The following CDC42SE2 variants were observed in gnomAD, a reference collection of about 807,000 sequenced individuals.
CDC42SE2 encodes CDC42 small effector protein 2.
Under a neutral mutation model 11.5 loss-of-function variants are expected in CDC42SE2, and 3 were observed. The ratio of observed to expected loss-of-function variants is 0.26; its 90% confidence interval spans 0.12 to 0.67. The LOEUF is 0.67. CDC42SE2 is among the 30% of genes least tolerant of loss of function. The pLI, the probability that CDC42SE2 is intolerant of heterozygous loss-of-function variation, is 0.80. For missense variants in CDC42SE2, 82 were observed against 106.8 expected (o/e 0.77, Z 1.02); for synonymous variants, 33 against 34.8 (o/e 0.95, Z 0.18).
chr5:131,286,553 C>A (rs963340778), intron 1 of CDC42SE2, among the ~76,000 whole-genome samples: 1 of 151,804 alleles, frequency 6.6e-6, no homozygotes, highest in Admixed American at 6.6e-5. Flanking sequence ...ACAGTTGACC[C>A]TTGAACAACA....
upstream of CDC42SE2, among the ~76,000 whole-genome samples, chr5:131,242,356 T>A (rs1374710959): frequency 6.6e-6 from 1 of 152,196 alleles, no homozygotes; most frequent in East Asian, 1.9e-4. Flanking sequence ...TCTCTGACAT[T>A]CTGCTTGCTT....
chr5:131,308,418 G>T (rs924083716), intron 1 of CDC42SE2, among the ~76,000 whole-genome samples: 7 of 151,964 alleles, frequency 4.6e-5, no homozygotes, highest in African/African-American at 1.5e-4. Flanking sequence ...GGATTGACTT[G>T]GTGATGCAGG....
the CDC42SE2 span, among the ~76,000 whole-genome samples, chr5:131,239,197 A>T: frequency 2.6e-5 from 4 of 151,544 alleles, no homozygotes; most frequent in African/African-American, 4.8e-5. Flanking sequence ...GAAAGAAAGA[A>T]ATATATATAT....
At chr5:131,355,236 A>G (rs2149766882) in intron 2 of CDC42SE2, among the ~76,000 whole-genome samples, 1 of 152,308 alleles carries the variant, frequency 6.6e-6, no homozygotes, top group Non-Finnish European at 1.5e-5. Flanking sequence ...GACCTGTGAA[A>G]TGGCAATGCA....
the CDC42SE2 span, among the ~76,000 whole-genome samples, chr5:131,234,076 G>A: frequency 2.0e-5 from 3 of 152,104 alleles, no homozygotes; most frequent in East Asian, 1.9e-4. Context: ...GTTGTATTAA[G>A]TAAATGAAAT....
chr5:131,342,125 CA>C (rs1211545025), intron 2 of CDC42SE2, among the ~76,000 whole-genome samples: 1 of 150,876 alleles, frequency 6.6e-6, no homozygotes, highest in Non-Finnish European at 1.5e-5. Flanking sequence ...ACCAAAAATA[CA>C]AAAATTAGCT....
chr5:131,262,426 G>A (rs536434495), upstream of CDC42SE2, among the ~76,000 whole-genome samples: 4 of 152,150 alleles, frequency 2.6e-5, no homozygotes, highest in African/African-American at 9.6e-5. Flanking sequence ...AAAAAAATTG[G>A]TCATTTTTTG....
Position 131,310,835 on chromosome 5 carries a change from G to T in CDC42SE2, c.-454-5141G>T, listed in dbSNP as rs539834232. ...ATCCTTTTATTTTGAGCGTATGTGT[G>T]TCTCTGCACGTGAGATGGGTTTCCT... On this transcript the variant is annotated intron_variant, in intron 1 of 4. Coordinates refer to ENST00000505065, the MANE Select transcript of CDC42SE2 (RefSeq NM_001375635.1). Among the ~76,000 whole-genome samples, 40 of 152,068 alleles carry T rather than the reference G, an allele frequency of 2.6e-4. 1 individual carries two copies. The East Asian group carries it at 7.1e-3, about 27-fold the overall frequency.
chr5:131,279,068 A>G (rs999325261), intron 1 of CDC42SE2, among the ~76,000 whole-genome samples: 2 of 151,928 alleles, frequency 1.3e-5, no homozygotes, highest in Non-Finnish European at 2.9e-5. Flanking sequence ...TACAGGCGTA[A>G]GCCACCACAC....
chr5:131,387,564 C>T (rs751792713), intron 4 of CDC42SE2, among the ~76,000 whole-genome samples: 13 of 151,982 alleles, frequency 8.6e-5, no homozygotes, highest in Non-Finnish European at 1.6e-4. Context: ...AAAAATAAAT[C>T]CAACCGTATA....
At chr5:131,230,412 G>A in the CDC42SE2 span, among the ~76,000 whole-genome samples, 17 of 152,276 alleles carry the variant, frequency 1.1e-4, no homozygotes, top group East Asian at 3.9e-4. Flanking sequence ...AAGTTAGCTC[G>A]GGGAATTAAT....
At chr5:131,342,244 C>T (rs2149753590) in intron 2 of CDC42SE2, among the ~76,000 whole-genome samples, 1 of 139,262 alleles carries the variant, frequency 7.2e-6, no homozygotes, top group Admixed American at 7.4e-5. Context: ...TGTGCCACTG[C>T]ACTCCAGCCT....
chr5:131,231,020 T>G, the CDC42SE2 span, among the ~76,000 whole-genome samples: 3 of 152,242 alleles, frequency 2.0e-5, no homozygotes, highest in Non-Finnish European at 4.4e-5. Context: ...TTTTATTTCC[T>G]AACATTTTGT....
intron 1 of CDC42SE2, among the ~76,000 whole-genome samples, chr5:131,313,646 C>T (rs1347896145): frequency 6.6e-6 from 1 of 152,094 alleles, no homozygotes; most frequent in Non-Finnish European, 1.5e-5. Flanking sequence ...AGTTGTATTT[C>T]TGGACTCTCA....
intron 1 of CDC42SE2, among the ~76,000 whole-genome samples, chr5:131,302,006 T>G (rs968487365): frequency 1.3e-5 from 2 of 151,958 alleles, no homozygotes; most frequent in African/African-American, 4.8e-5. Flanking sequence ...TTTATCTTAT[T>G]TTATTTTATT....
At chr5:131,309,561 G>A (rs917558194) in intron 1 of CDC42SE2, among the ~76,000 whole-genome samples, 1 of 151,418 alleles carries the variant, frequency 6.6e-6, no homozygotes, top group East Asian at 1.9e-4. Flanking sequence ...ATTCGGCTGT[G>A]AATCCATCTG....
At chr5:131,222,719 C>T in the CDC42SE2 span, among the ~76,000 whole-genome samples, 16 of 152,182 alleles carry the variant, frequency 1.1e-4, no homozygotes, top group Non-Finnish European at 2.2e-4. Context: ...TTTATCTCAG[C>T]GTCTTCTTTA....
chr5:131,281,637 A>C (rs1372813706), intron 1 of CDC42SE2, among the ~76,000 whole-genome samples: 2 of 152,194 alleles, frequency 1.3e-5, no homozygotes, highest in Non-Finnish European at 2.9e-5. Flanking sequence ...TGTAAACTCT[A>C]CTCTGAAGAA....
chr5:131,289,557 C>T (rs1757408840), intron 1 of CDC42SE2, among the ~76,000 whole-genome samples: 1 of 152,042 alleles, frequency 6.6e-6, no homozygotes, highest in African/African-American at 2.4e-5. Flanking sequence ...CCTGTAGTCC[C>T]AGCTACTCTG....
Sources: allele counts gnomAD v4.1 joint callset (sites outside exome capture counted in the v4.1 genomes callset), GRCh38; gene constraint gnomAD v4.1.1; transcripts MANE v1.5; gene names NCBI Gene and HGNC (gene_info 2026-07-23, HGNC 2026-07-21).